UNC5C: variants seen among roughly 807,000 people sequenced by gnomAD.
UNC5C encodes netrin receptor UNC5C.
A neutral mutation model predicts 99.8 loss-of-function variants in UNC5C; 47 were observed. The ratio of observed to expected loss-of-function variants is 0.47; its 90% confidence interval spans 0.37 to 0.60. The LOEUF (loss-of-function observed/expected upper bound fraction) is 0.60. UNC5C is among the 20% of genes least tolerant of loss of function. The pLI, the probability that UNC5C is intolerant of heterozygous loss-of-function variation, is 0.00. For synonymous variants in UNC5C, 487 were observed against 452.2 expected (o/e 1.08, Z -0.98); for missense variants, 1,062 against 1,165.9 (o/e 0.91, Z 1.30).
chr4:95,272,792 A>T (rs1274134556), intron 4 of UNC5C, among the ~76,000 whole-genome samples: 1 of 152,228 alleles, frequency 6.6e-6, no homozygotes, highest in Non-Finnish European at 1.5e-5. Context: ...CCAAACCAGT[A>T]TTCAGATTCT....
rs1487303490 is a variant in UNC5C at position 95,162,777 on chromosome 4, G to A, written c.*6457C>T. On this transcript the variant is annotated 3_prime_UTR_variant, in exon 16 of 16. Coordinates refer to ENST00000453304, the MANE Select transcript of UNC5C (RefSeq NM_003728.4). Reference sequence around the variant, plus strand: ...GAATTGCATAGAAGATACAGCAAGAGGGAACTCCACAACAACAAAAGTGTT... The same window carrying A: ...GAATTGCATAGAAGATACAGCAAGAAGGAACTCCACAACAACAAAAGTGTT... 1 of 152,098 alleles carries A rather than the reference G, an allele frequency of 6.6e-6. No homozygotes were observed. Among genetic ancestry groups the A allele is most frequent in the Non-Finnish European group, 1.5e-5 (1 of 68,028 alleles). The allele number at this position is 152,098 out of a possible 1,614,324, so 9.4% of individuals were successfully genotyped here. A position where few individuals can be genotyped will look rare whatever the true frequency, so the allele number is the denominator to read the frequency against.
chr4:95,421,021 A>T (rs766354241), intron 1 of UNC5C, among the ~76,000 whole-genome samples: 24 of 152,168 alleles, frequency 1.6e-4, no homozygotes, highest in Admixed American at 6.5e-5. Context: ...TTCAATCTCT[A>T]GAATGTTCTT....
In UNC5C at chr4:95,288,663, A is replaced by G. The variant is rs904902675; in HGVS notation, c.491-10301T>C. Among the ~76,000 whole-genome samples, 8 of 152,320 alleles carry G rather than the reference A, an allele frequency of 5.3e-5. No homozygotes were observed. The East Asian group carries it at 1.5e-3, about 29-fold the overall frequency. On this transcript the variant is annotated intron_variant, in intron 3 of 15. Transcript: ENST00000453304. ...GCGCTCCCTCTGGAGTTTCTTAGGG[A>G]GAGACCATGACTTGCCTCTCCCAGA...
At position 95,434,488 on chromosome 4, in the gene UNC5C, A is replaced by G. The variant is rs115449942; in HGVS notation, c.125-98857T>C. On this transcript the variant is annotated intron_variant, in intron 1 of 15. Coordinates refer to ENST00000453304, the MANE Select transcript of UNC5C (RefSeq NM_003728.4). ...AGGGAAAGGAAAAGACGGACTTGCC[A>G]TTGAAGGTGGCCTCCAAGCTGAGGC... is the stretch of plus-strand genomic sequence containing the variant. 9.6e-3 allele frequency among the ~76,000 whole-genome samples: 1,460 copies of G among 152,150 alleles called. 13 individuals carry two copies. The highest frequency in any genetic ancestry group is 0.013 in the Admixed American group (200 of 15,272).
At chr4:95,508,390 T>G (rs1281694332) in intron 1 of UNC5C, among the ~76,000 whole-genome samples, 2 of 118,376 alleles carry the variant, frequency 1.7e-5, no homozygotes, top group African/African-American at 6.2e-5. Context: ...ATTAAAAACT[T>G]GTAATGGCTT....
At chr4:95,379,544 C>A (rs1177367793) in intron 1 of UNC5C, among the ~76,000 whole-genome samples, 60 of 152,158 alleles carry the variant, frequency 3.9e-4, no homozygotes, top group Admixed American at 3.8e-3. Context: ...GAGTATCCTG[C>A]TTTCTAAAAA....
Position 95,509,413 on chromosome 4 carries a change from G to A in UNC5C, c.124+39321C>T, listed in dbSNP as rs143690672. On this transcript the variant is annotated intron_variant, in intron 1 of 15. Coordinates refer to ENST00000453304, the MANE Select transcript of UNC5C (RefSeq NM_003728.4). ...CCTAATTTCTAGGCCCTGAATTGTA[G>A]CTAGAAAAATTCCACCTTTATTTCT... 6.4e-3 allele frequency among the ~76,000 whole-genome samples: 964 copies of A among 151,754 alleles called. 5 individuals carry two copies. Among genetic ancestry groups the A allele is most frequent in the Non-Finnish European group, 9.9e-3 (672 of 67,784 alleles).
rs760273584 is a variant in UNC5C, at chr4:95,219,240, G to T, written c.1374C>A (p.Asp458Glu). Reference sequence around the variant, plus strand: ...TGGTCATTGGGATTTTGTCTGAGACGTCATGCAGGGCATAGACAGGTCCTC... The same window carrying T: ...TGGTCATTGGGATTTTGTCTGAGACTTCATGCAGGGCATAGACAGGTCCTC... ...MYRGPVYALH[D>E]VSDKIPMTNS... The change falls in exon 9 of 16, where the codon GAC becomes GAA. Residue 458 changes from aspartate to glutamate, a missense_variant. Around this residue, in one of 3 missense-constraint regions of UNC5C, gnomAD observed 810 missense variants for 854.5 expected, o/e 0.95. Coordinates refer to ENST00000453304, the MANE Select transcript of UNC5C (RefSeq NM_003728.4). 3.7e-6 allele frequency: 6 copies of T among 1,614,176 alleles called. No homozygotes were observed. Among genetic ancestry groups the T allele is most frequent in the Non-Finnish European group, 5.1e-6 (6 of 1,180,020 alleles).
At position 95,463,740 on chromosome 4, in the gene UNC5C, C is replaced by T. The variant is rs570482972; in HGVS notation, c.124+84994G>A. Among the ~76,000 whole-genome samples, 11 of 152,230 alleles carry T rather than the reference C, an allele frequency of 7.2e-5. No homozygotes were observed. In the East Asian group the frequency reaches 1.5e-3, roughly 21 times the overall value. On this transcript the variant is annotated intron_variant, in intron 1 of 15. Transcript: ENST00000453304. ...TTAGCAACATTTATATCCATTTAAC[C>T]ATCAATTCATTTATTCAATAGAACT...
chr4:95,410,967 G>GTCA (rs1745969372), intron 1 of UNC5C, among the ~76,000 whole-genome samples: 3 of 152,196 alleles, frequency 2.0e-5, no homozygotes, highest in Admixed American at 2.0e-4. Flanking sequence ...TGTCAGGAAA[G>GTCA]GGACAAATGC....
chr4:95,473,957 T>A (rs10008893), intron 1 of UNC5C, among the ~76,000 whole-genome samples: 13,783 of 152,128 alleles, frequency 0.091, 1,232 homozygotes, highest in African/African-American at 0.22. Context: ...ATTGGTAAGC[T>A]ATAATCACAA....
chr4:95,406,583 A>C (rs1439716544), intron 1 of UNC5C, among the ~76,000 whole-genome samples: 1 of 152,192 alleles, frequency 6.6e-6, no homozygotes, highest in Non-Finnish European at 1.5e-5. Context: ...GTACATGGCA[A>C]AAAAATAGGT....
At chr4:95,478,901 C>T (rs534554066) in intron 1 of UNC5C, among the ~76,000 whole-genome samples, 2 of 151,756 alleles carry the variant, frequency 1.3e-5, no homozygotes, top group Non-Finnish European at 2.9e-5. Flanking sequence ...TCCATTAGTT[C>T]GTGTGAGAAC....
intron 4 of UNC5C, among the ~76,000 whole-genome samples, chr4:95,269,924 A>T (rs1740595082): frequency 6.6e-6 from 1 of 152,070 alleles, no homozygotes; most frequent in African/African-American, 2.4e-5. Context: ...CATGTTGGTC[A>T]GGCTGGTCTC....
intron 14 of UNC5C, among the ~76,000 whole-genome samples, chr4:95,177,292 T>C (rs976419532): frequency 3.9e-5 from 6 of 152,208 alleles, no homozygotes; most frequent in African/African-American, 1.4e-4. Context: ...TTGGTGTTCC[T>C]CACTAGTTGC....
chr4:95,505,973 G>A (rs570183761), intron 1 of UNC5C, among the ~76,000 whole-genome samples: 8 of 152,052 alleles, frequency 5.3e-5, no homozygotes, highest in African/African-American at 1.7e-4. Flanking sequence ...TTTATTGAAA[G>A]TGCTACCAGA....
intron 1 of UNC5C, among the ~76,000 whole-genome samples, chr4:95,472,884 C>T (rs1748016786): frequency 6.6e-6 from 1 of 150,518 alleles, no homozygotes; most frequent in Non-Finnish European, 1.5e-5. Flanking sequence ...GGATATTTGG[C>T]CCGTTCTATT....
intron 14 of UNC5C, among the ~76,000 whole-genome samples, chr4:95,177,131 C>T (rs544552063): frequency 2.1e-3 from 319 of 152,308 alleles, no homozygotes; most frequent in African/African-American, 7.3e-3. Flanking sequence ...CACTGACCTG[C>T]GCCCACTGTC....
chr4:95,359,296 C>T (rs1206824044), intron 1 of UNC5C, among the ~76,000 whole-genome samples: 1 of 152,018 alleles, frequency 6.6e-6, no homozygotes, highest in Non-Finnish European at 1.5e-5. Flanking sequence ...CTACATTGTA[C>T]AAATAAACAG....
Sources: allele counts gnomAD v4.1 joint callset (sites outside exome capture counted in the v4.1 genomes callset), GRCh38; gene constraint gnomAD v4.1.1; regional missense constraint gnomAD v4.1.1; transcripts MANE v1.5; gene names NCBI Gene and HGNC (gene_info 2026-07-23, HGNC 2026-07-21).